Variants in VCAN observed in about 807,000 individuals in gnomAD.
VCAN encodes the protein versican.
VCAN carries 44 observed loss-of-function variants against 245.5 expected under a neutral mutation model. The observed-to-expected ratio is 0.18, with a 90% CI of 0.14 to 0.23. The LOEUF (loss-of-function observed/expected upper bound fraction) is 0.23, where lower values mean the gene tolerates loss of function less well. Among genes scored for constraint, VCAN ranks in the 10% least tolerant of loss-of-function variants. The probability of loss-of-function intolerance (pLI) is 1.00; values close to 1 mark genes in which losing one functional copy is unlikely to be tolerated. For synonymous variants in VCAN, 1,413 were observed against 1,437.0 expected (o/e 0.98, Z 0.38); for missense variants, 3,793 against 4,057.9 (o/e 0.93, Z 1.77).
chr5:83,544,397 T>C (rs1168766841), intron 8 of VCAN, among the ~76,000 whole-genome samples: 2 of 152,232 alleles, frequency 1.3e-5, no homozygotes, highest in African/African-American at 2.4e-5. Context: ...TCAGAAAGTT[T>C]GAGTTTGACT....
chr5:83,572,365 T>C, intron 12 of VCAN, 51 bp from the exon 13 acceptor site: 2 of 1,609,086 alleles, frequency 1.2e-6, no homozygotes, highest in Non-Finnish European at 8.5e-7. Flanking sequence ...TCGTTGCTCT[T>C]ACGTTACTTT....
chr5:83,526,233 C>T (rs1746296086), intron 7 of VCAN, among the ~76,000 whole-genome samples: 1 of 152,198 alleles, frequency 6.6e-6, no homozygotes, highest in Admixed American at 6.5e-5. Flanking sequence ...CCACTGCGCC[C>T]AGCCAAGTCA....
intron 1 of VCAN, among the ~76,000 whole-genome samples, chr5:83,481,112 C>G (rs1744597148): frequency 6.6e-6 from 1 of 151,084 alleles, no homozygotes; most frequent in Non-Finnish European, 1.5e-5. Flanking sequence ...GACAGTGGAG[C>G]CCAGACTTTT....
chr5:83,526,811 C>T (rs1746318157), intron 7 of VCAN, among the ~76,000 whole-genome samples: 1 of 152,208 alleles, frequency 6.6e-6, no homozygotes, highest in South Asian at 2.1e-4. Flanking sequence ...ATGTCAGAGT[C>T]TCACATGTAT....
rs1227178440 is a variant in VCAN, at chr5:83,538,902, A to G, written c.5899A>G (p.Thr1967Ala). ...CTCTGGAGATGCAGCATTTAGGGAC[A>G]CCCAGACTTCACCATCTACAGTACC... ...EGSGDAAFRD[T>A]QTSPSTVPTS... The change falls in exon 8 of 15, where the codon ACC (threonine) becomes GCC (alanine). Residue 1967 changes from threonine to alanine, a missense_variant. Transcript: ENST00000265077. 1.2e-6 allele frequency: 2 copies of G among 1,613,860 alleles called. No homozygotes were observed. The highest frequency in any genetic ancestry group is 2.7e-5 in the African/African-American group (2 of 74,912).
intron 12 of VCAN, among the ~76,000 whole-genome samples, chr5:83,564,826 T>G (rs1748013974): frequency 6.6e-6 from 1 of 152,110 alleles, no homozygotes; most frequent in Non-Finnish European, 1.5e-5. Context: ...TAAAATAATG[T>G]ATTGTGAATG....
chr5:83,556,951 C>T (rs1052478610), intron 12 of VCAN, among the ~76,000 whole-genome samples: 6 of 152,126 alleles, frequency 3.9e-5, no homozygotes, highest in South Asian at 2.1e-4. Flanking sequence ...CTACCTCCCA[C>T]GAATTTCCCT....
At chr5:83,544,814 T>C (rs309555) in intron 8 of VCAN, among the ~76,000 whole-genome samples, 14,827 of 152,248 alleles carry the variant, frequency 0.097, 1,022 homozygotes, top group South Asian at 0.33. Flanking sequence ...TCGGCCTTCA[T>C]ATTTATCTCC....
rs553059161 is a variant in VCAN at position 83,577,688 on chromosome 5, T to C, written c.9881-2292T>C. On this transcript the variant is annotated intron_variant, in intron 13 of 14. Transcript: ENST00000265077. ...TAGTTTTGCCTCTTATATTTATATA[T>C]TTCAACCATCTAGAATTGATTTTTA... Among the ~76,000 whole-genome samples the C allele has an allele frequency of 1.8e-4, 27 of 152,314 alleles. No homozygotes were observed. In the South Asian group the frequency reaches 4.8e-3, roughly 27 times the overall value.
intron 12 of VCAN, among the ~76,000 whole-genome samples, chr5:83,564,787 T>A (rs1434951853): frequency 1.3e-5 from 2 of 150,204 alleles, no homozygotes; most frequent in African/African-American, 4.9e-5. Context: ...CAAATTATAG[T>A]TTGAAGTTCA....
chr5:83,503,505 T>C (rs1745394175), intron 5 of VCAN, among the ~76,000 whole-genome samples: 1 of 152,070 alleles, frequency 6.6e-6, no homozygotes, highest in Non-Finnish European at 1.5e-5. Flanking sequence ...TGTAGTAAAA[T>C]AACAACAACA....
At chr5:83,561,149 C>T (rs562565393) in intron 12 of VCAN, among the ~76,000 whole-genome samples, 23 of 152,212 alleles carry the variant, frequency 1.5e-4, no homozygotes, top group African/African-American at 3.1e-4. Flanking sequence ...TGTCACACCC[C>T]GTGAGGCTGC....
rs775501378 is a variant in VCAN, at chr5:83,490,144, A to G, written c.117A>G (p.Lys39=). 3 of 1,614,174 alleles carry G rather than the reference A, an allele frequency of 1.9e-6. No individual in the cohort carries two copies. Among genetic ancestry groups the G allele is most frequent in the Non-Finnish European group, 2.5e-6 (3 of 1,180,034 alleles). ...SPPVRGSLSG[K]VSLPCHFSTM... ...CGGTGAGGGGCTCCCTCTCTGGAAAAGTCAGCCTACCTTGTCATTTTTCAA... is the reference window on the plus strand; with the variant it reads ...CGGTGAGGGGCTCCCTCTCTGGAAAGGTCAGCCTACCTTGTCATTTTTCAA... Residue 39 remains lysine (K), a synonymous_variant, in exon 3 of 15, where the codon AAA becomes AAG. Coordinates refer to ENST00000265077, the MANE Select transcript of VCAN (RefSeq NM_004385.5).
Position 83,540,558 on chromosome 5 carries a change from A to G in VCAN, c.7555A>G (p.Ser2519Gly). The G allele has an allele frequency of 6.2e-7, 1 of 1,613,988 alleles. No homozygotes were observed. The highest frequency in any genetic ancestry group is 8.5e-7 in the Non-Finnish European group (1 of 1,179,946). Residue 2519 changes from serine (S) to glycine (G), a missense_variant, in exon 8 of 15, where the codon AGT (serine) becomes GGT (glycine). Ser to Gly is a moderately conservative substitution (Grantham distance 56). Around this residue, in one of 5 missense-constraint regions of VCAN, gnomAD observed 3,182 missense variants for 3,250.3 expected, o/e 0.98. Transcript: ENST00000265077. ...GTCATATGAGAGGTCCACAGACGGT[A>G]GTTTCCAAGACCGTTTCAGGGAATT... is the stretch of plus-strand genomic sequence containing the variant. ...TVSYERSTDGSFQDRFREFED... is the reference protein window; with the variant it reads ...TVSYERSTDGGFQDRFREFED...
In VCAN at chr5:83,521,456, T is replaced by A. The variant is rs781322721; in HGVS notation, c.3150T>A (p.Ser1050Arg). The change falls in exon 7 of 15, where the codon AGT becomes AGA. Residue 1050 changes from serine to arginine, a missense_variant. This residue lies in a region of VCAN where 3,182 missense variants were observed against 3,250.3 expected (regional missense o/e 0.98). Transcript: ENST00000265077. ...CAGAGAAACCAGTTCCTGCTCTCAG[T>A]TCTACAGCTTGGACTCCCAAGGAGG... The part of the protein sequence containing the change: ...QTAEKPVPAL[S>R]STAWTPKEAV... 1 of 1,614,112 alleles carries A rather than the reference T, an allele frequency of 6.2e-7. No homozygotes were observed.
Position 83,490,340 on chromosome 5 carries a change from A to G in VCAN, c.313A>G (p.Thr105Ala). 1.2e-6 allele frequency: 2 copies of G among 1,614,172 alleles called. No individual in the cohort carries two copies. The highest frequency in any genetic ancestry group is 1.7e-6 in the Non-Finnish European group (2 of 1,180,028). ...QDYKGRVSVP[T>A]HPEAVGDASL... ...CTACAAAGGGAGAGTGTCTGTGCCC[A>G]CACATCCCGAGGCTGTGGGCGATGC... The change falls in exon 3 of 15, where the codon ACA becomes GCA. Residue 105 changes from threonine to alanine, a missense_variant. By Grantham distance (58) the Thr-to-Ala change is moderately conservative. Transcript: ENST00000265077.
At chr5:83,494,532 T>C (rs1315486630) in intron 5 of VCAN, among the ~76,000 whole-genome samples, 4 of 152,228 alleles carry the variant, frequency 2.6e-5, no homozygotes, top group Non-Finnish European at 5.9e-5. Flanking sequence ...TAGCCCTTCC[T>C]TTCAAGTCGC....
chr5:83,473,407 T>C (rs1384029949), intron 1 of VCAN, among the ~76,000 whole-genome samples: 1 of 152,130 alleles, frequency 6.6e-6, no homozygotes. Context: ...TGGAGAGTTG[T>C]CCTGCCGCGC....
intron 5 of VCAN, among the ~76,000 whole-genome samples, chr5:83,502,267 C>A (rs192287429): frequency 8.1e-4 from 124 of 152,236 alleles, no homozygotes; most frequent in African/African-American, 2.9e-3. Flanking sequence ...GACATAAACT[C>A]CTTGAAGCAT....
Sources: allele counts gnomAD v4.1 joint callset (sites outside exome capture counted in the v4.1 genomes callset), GRCh38; gene constraint gnomAD v4.1.1; regional missense constraint gnomAD v4.1.1; transcripts MANE v1.5; gene names NCBI Gene and HGNC (gene_info 2026-07-23, HGNC 2026-07-21).